PRKACB: variants seen among roughly 807,000 people sequenced by gnomAD.
PRKACB encodes protein kinase cAMP-activated catalytic subunit beta.
PRKACB carries 16 observed loss-of-function variants against 51.4 expected under a neutral mutation model. The ratio of observed to expected loss-of-function variants is 0.31; its 90% confidence interval spans 0.21 to 0.47. The LOEUF (loss-of-function observed/expected upper bound fraction) is 0.47, where lower values mean the gene tolerates loss of function less well. Among genes scored for constraint, PRKACB ranks in the 20% least tolerant of loss-of-function variants. PRKACB has a pLI of 1.00. For synonymous variants in PRKACB, 147 were observed against 154.4 expected (o/e 0.95, Z 0.35); for missense variants, 309 against 464.5 (o/e 0.67, Z 3.08).
intron 5 of PRKACB, among the ~76,000 whole-genome samples, chr1:84,190,255 A>G (rs1666366994): frequency 6.6e-6 from 1 of 151,898 alleles, no homozygotes; most frequent in African/African-American, 2.4e-5. Context: ...GTTATGGCCC[A>G]GACATCTAAT....
rs1005351371 is a variant in PRKACB at position 84,208,063 on chromosome 1, TCACCA to T, written c.906+5259_906+5263del. On this transcript the variant is annotated intron_variant, in intron 8 of 9. Transcript: ENST00000370685. ...TTGTGTTTTTAGTAGGGACAGGGTT[TCACCA>T]TGTTGGCCAGGCTGGTTTTGAAATC... Among the ~76,000 whole-genome samples the T allele has an allele frequency of 4.9e-4, 75 of 152,134 alleles. 1 individual carries two copies. The highest frequency in any genetic ancestry group is 1.6e-4 in the Non-Finnish European group (11 of 68,038).
At chr1:84,229,118 TC>T (rs1376831969) in intron 9 of PRKACB, among the ~76,000 whole-genome samples, 1 of 139,664 alleles carries the variant, frequency 7.2e-6, no homozygotes, top group Non-Finnish European at 1.5e-5. Flanking sequence ...AGTATGATGT[TC>T]CCCTTCCTGT....
At chr1:84,215,725 G>A (rs906022190) in intron 9 of PRKACB, among the ~76,000 whole-genome samples, 3 of 152,112 alleles carry the variant, frequency 2.0e-5, no homozygotes, top group Admixed American at 1.3e-4. Context: ...TTAATTGATA[G>A]CAGTTATCAT....
At chr1:84,228,988 A>T (rs1193699437) in intron 9 of PRKACB, among the ~76,000 whole-genome samples, 1 of 150,898 alleles carries the variant, frequency 6.6e-6, no homozygotes, top group African/African-American at 2.4e-5. Flanking sequence ...TGTGCAGGTT[A>T]GTTACATATG....
Position 84,205,297 on chromosome 1 carries a change from A to T in PRKACB, c.906+2492A>T, listed in dbSNP as rs1042687446. On this transcript the variant is annotated intron_variant, in intron 8 of 9. Transcript: ENST00000370685. The stretch of plus-strand genomic sequence containing the variant: ...ATAAATCATCTGTTTCAAAACTCAA[A>T]TTCAAACTAGAATGTGTCTCTATTC... 3 of 971,370 alleles carry T rather than the reference A, an allele frequency of 3.1e-6. No homozygotes were observed. The African/African-American group carries it at 5.3e-5, about 17-fold the overall frequency. 60.2% of individuals were successfully genotyped at this position (971,370 alleles called of 1,614,324 possible).
intron 1 of PRKACB, among the ~76,000 whole-genome samples, chr1:84,132,862 CAG>C (rs1471152362): frequency 6.6e-6 from 1 of 151,928 alleles, no homozygotes; most frequent in African/African-American, 2.4e-5. Context: ...AAAACAAAAA[CAG>C]AGCATCCAAG....
intron 1 of PRKACB, among the ~76,000 whole-genome samples, chr1:84,093,385 A>G (rs1648672538): frequency 6.6e-6 from 1 of 151,982 alleles, no homozygotes; most frequent in African/African-American, 2.4e-5. Flanking sequence ...GGAAAAAGAA[A>G]TTGTCCCTTC....
intron 1 of PRKACB, among the ~76,000 whole-genome samples, chr1:84,119,567 A>C (rs1315537381): frequency 6.6e-6 from 1 of 152,076 alleles, no homozygotes; most frequent in African/African-American, 2.4e-5. Flanking sequence ...AGATCTAAAA[A>C]TCCATCAGCC....
At chr1:84,174,021 T>G (rs1000066672) in intron 1 of PRKACB, among the ~76,000 whole-genome samples, 1 of 151,814 alleles carries the variant, frequency 6.6e-6, no homozygotes, top group Non-Finnish European at 1.5e-5. Flanking sequence ...CAAAAGATCT[T>G]GCCTTCTGGT....
At chr1:84,195,224 G>A (rs1341750794) in intron 5 of PRKACB, among the ~76,000 whole-genome samples, 1 of 152,172 alleles carries the variant, frequency 6.6e-6, no homozygotes, top group East Asian at 1.9e-4. Flanking sequence ...GATTGACAGT[G>A]TTGGGATGAA....
chr1:84,198,756 A>C (rs1361794018), intron 7 of PRKACB, among the ~76,000 whole-genome samples: 2 of 150,950 alleles, frequency 1.3e-5, no homozygotes, highest in Non-Finnish European at 3.0e-5. Context: ...ACATAAACAA[A>C]CAACCAAAAA....
chr1:84,137,045 G>T (rs766837522), intron 1 of PRKACB, among the ~76,000 whole-genome samples: 12 of 152,062 alleles, frequency 7.9e-5, no homozygotes, highest in Non-Finnish European at 1.5e-4. Flanking sequence ...TGTGAAGAAG[G>T]TGCCTTGGTT....
intron 1 of PRKACB, among the ~76,000 whole-genome samples, chr1:84,099,141 A>G (rs1440578199): frequency 2.0e-5 from 3 of 152,132 alleles, no homozygotes; most frequent in South Asian, 2.1e-4. Context: ...ATGAATGTGT[A>G]TATCTTCAAT....
At chr1:84,202,579 A>T in intron 7 of PRKACB, 104 bp from the exon 8 acceptor site, 1 of 1,268,474 alleles carries the variant, frequency 7.9e-7, no homozygotes, top group Non-Finnish European at 1.1e-6. Context: ...CAATTGCTTT[A>T]AAAAAATTTT....
intron 1 of PRKACB, among the ~76,000 whole-genome samples, chr1:84,118,368 C>A (rs1650798378): frequency 6.6e-6 from 1 of 152,104 alleles, no homozygotes; most frequent in Admixed American, 6.6e-5. Context: ...TCTCACATCT[C>A]TAGTCAGCCA....
chr1:84,217,478 G>GACTT (rs1673043815), intron 9 of PRKACB, among the ~76,000 whole-genome samples: 1 of 151,982 alleles, frequency 6.6e-6, no homozygotes, highest in Non-Finnish European at 1.5e-5. Context: ...ACATCTGAGT[G>GACTT]ACTTACTGCC....
intron 5 of PRKACB, among the ~76,000 whole-genome samples, 161 bp from the exon 6 acceptor site, chr1:84,196,455 A>C (rs1437510623): frequency 6.6e-6 from 1 of 152,246 alleles, no homozygotes; most frequent in Non-Finnish European, 1.5e-5. Context: ...ATAGAGATTT[A>C]ATAAATATTT....
chr1:84,225,300 G>A (rs182439720), intron 9 of PRKACB, among the ~76,000 whole-genome samples: 186 of 152,336 alleles, frequency 1.2e-3, no homozygotes, highest in Admixed American at 2.1e-3. Context: ...CCTGTTGTGG[G>A]GGCTGGGCAT....
intron 9 of PRKACB, among the ~76,000 whole-genome samples, chr1:84,234,305 T>C (rs1676313189): frequency 6.6e-6 from 1 of 152,330 alleles, no homozygotes; most frequent in South Asian, 2.1e-4. Flanking sequence ...GGAGAACCAC[T>C]GCTCTCTTCA....
Sources: allele counts gnomAD v4.1 joint callset (sites outside exome capture counted in the v4.1 genomes callset), GRCh38; gene constraint gnomAD v4.1.1; transcripts MANE v1.5; gene names NCBI Gene and HGNC (gene_info 2026-07-23, HGNC 2026-07-21).